Variants in LMCD1 observed in about 807,000 individuals in gnomAD.
LMCD1 encodes LIM and cysteine-rich domains protein 1.
Under a neutral mutation model 42.7 loss-of-function variants are expected in LMCD1, and 32 were observed. That is an observed-to-expected ratio of 0.75 (90% CI 0.57 to 1.01). LMCD1 has a LOEUF of 1.01. LMCD1 is among the 50% of genes least tolerant of loss of function. The pLI, the probability that LMCD1 is intolerant of heterozygous loss-of-function variation, is 0.00. For missense variants in LMCD1, 458 were observed against 483.1 expected (o/e 0.95, Z 0.49); for synonymous variants, 178 against 184.9 (o/e 0.96, Z 0.30).
intron 3 of LMCD1, among the ~76,000 whole-genome samples, chr3:8,547,310 A>G (rs951495740): frequency 6.6e-6 from 1 of 152,214 alleles, no homozygotes; most frequent in Non-Finnish European, 1.5e-5. Context: ...CCAAGGACTC[A>G]TGTTAAATGG....
intron 1 of LMCD1, among the ~76,000 whole-genome samples, chr3:8,524,772 C>A (rs1694269140): frequency 6.6e-6 from 1 of 152,076 alleles, no homozygotes; most frequent in African/African-American, 2.4e-5. Flanking sequence ...ACAACCTCAA[C>A]CTCCTGGGCT....
At chr3:8,502,339 A>ATATAAAATATATATAATATATAT (rs1693759984) in intron 1 of LMCD1, among the ~76,000 whole-genome samples, 2 of 78,826 alleles carry the variant, frequency 2.5e-5, no homozygotes, top group African/African-American at 1.1e-4. Flanking sequence ...AATATATATT[A>ATATAAAATATATATAATATATAT]TATATAAAAT....
In LMCD1 at chr3:8,548,613, A is replaced by G. The variant is rs770629111; in HGVS notation, c.433A>G (p.Thr145Ala). ...ELIPKEKQPVTGTEGAFYRRR... is the reference protein window; with the variant it reads ...ELIPKEKQPVAGTEGAFYRRR... ...CATCCCCAAGGAGAAGCAGCCAGTG[A>G]CAGGCACAGAGGGTGCCTTTTACCG... is the stretch of plus-strand genomic sequence containing the variant. The change falls in exon 4 of 6, where the codon ACA becomes GCA. Residue 145 changes from threonine to alanine, a missense_variant. Physicochemically the swap from Thr to Ala is moderately conservative, Grantham distance 58. Coordinates refer to ENST00000157600, the MANE Select transcript of LMCD1 (RefSeq NM_014583.4). 3.7e-6 allele frequency: 6 copies of G among 1,614,080 alleles called. No individual in the cohort carries two copies. The East Asian group carries it at 1.3e-4, about 36-fold the overall frequency.
At chr3:8,512,317 G>C (rs1391034079) in intron 1 of LMCD1, among the ~76,000 whole-genome samples, 2 of 152,212 alleles carry the variant, frequency 1.3e-5, no homozygotes, top group African/African-American at 4.8e-5. Context: ...GAAAATGTGA[G>C]TTCCTTCTTG....
At chr3:8,546,572 T>C (rs2125030691) in intron 3 of LMCD1, among the ~76,000 whole-genome samples, 1 of 152,340 alleles carries the variant, frequency 6.6e-6, no homozygotes, top group African/African-American at 2.4e-5. Flanking sequence ...TTCCAGAGCC[T>C]TTGCTCTTGC....
chr3:8,533,664 T>A (rs1694456985), intron 2 of LMCD1, among the ~76,000 whole-genome samples: 1 of 152,192 alleles, frequency 6.6e-6, no homozygotes, highest in African/African-American at 2.4e-5. Flanking sequence ...ACGTATGAAC[T>A]GAATGAAATC....
chr3:8,511,807 C>G (rs1039447032), intron 1 of LMCD1, among the ~76,000 whole-genome samples: 1 of 152,150 alleles, frequency 6.6e-6, no homozygotes, highest in African/African-American at 2.4e-5. Flanking sequence ...GCAAAACCCA[C>G]TGGGGTGGCA....
At chr3:8,540,903 T>A (rs544814157) in intron 3 of LMCD1, among the ~76,000 whole-genome samples, 9 of 152,166 alleles carry the variant, frequency 5.9e-5, no homozygotes, top group Admixed American at 1.3e-4. Flanking sequence ...TCCAGACCCA[T>A]GGCAGGCATT....
chr3:8,512,965 T>C (rs151316313), intron 1 of LMCD1, among the ~76,000 whole-genome samples: 82 of 152,288 alleles, frequency 5.4e-4, no homozygotes, highest in Non-Finnish European at 7.6e-4. Context: ...CTGTGTTGTG[T>C]AGAATCACTT....
At chr3:8,550,964 G>C in intron 4 of LMCD1, 1 of 985,416 alleles carries the variant, frequency 1.0e-6, no homozygotes. Context: ...CCGGGTCCTT[G>C]CCTACAGTCA....
At chr3:8,518,920 T>A (rs201952953) in intron 1 of LMCD1, among the ~76,000 whole-genome samples, 2 of 152,116 alleles carry the variant, frequency 1.3e-5, no homozygotes, top group East Asian at 3.9e-4. Flanking sequence ...TTGGGCATCA[T>A]CCTCAGATGC....
chr3:8,567,740 G>C lies in LMCD1; in HGVS notation c.*142G>C. On this transcript the variant is annotated 3_prime_UTR_variant, in exon 6 of 6. Coordinates refer to ENST00000157600, the MANE Select transcript of LMCD1 (RefSeq NM_014583.4). ...TGCTTTTCAGTGAGAATATATATAT[G>C]AGATATATATAGATATATATTCTAG... 5.2e-6 allele frequency: 4 copies of C among 771,512 alleles called. No homozygotes were observed. The highest frequency in any genetic ancestry group is 6.1e-6 in the Non-Finnish European group (3 of 490,172). 47.8% of individuals were successfully genotyped at this position (771,512 alleles called of 1,614,324 possible).
chr3:8,573,894 G>T lies in LMCD1; in HGVS notation c.*6296G>T, dbSNP rs1342082463. 3 of 150,482 alleles carry T rather than the reference G, an allele frequency of 2.0e-5. No individual in the cohort carries two copies. Among genetic ancestry groups the T allele is most frequent in the Non-Finnish European group, 4.4e-5 (3 of 67,590 alleles). The allele number at this position is 150,482 out of a possible 1,614,324, so 9.3% of individuals were successfully genotyped here. A position where few individuals can be genotyped will look rare whatever the true frequency, so the allele number is the denominator to read the frequency against. The stretch of plus-strand genomic sequence containing the variant: ...TTAAACCTAAAAAAAAAAAAAAGAA[G>T]AAAAGAAAAGAAAAAATATGAGAGG... On this transcript the variant is annotated 3_prime_UTR_variant, in exon 6 of 6. Coordinates refer to ENST00000157600, the MANE Select transcript of LMCD1 (RefSeq NM_014583.4).
In LMCD1 at chr3:8,538,751, G is replaced by C. The variant is rs535054872; in HGVS notation, c.387+1311G>C. Among the ~76,000 whole-genome samples the C allele has an allele frequency of 3.3e-5, 5 of 152,150 alleles. No individual in the cohort carries two copies. The South Asian group carries it at 1.0e-3, about 32-fold the overall frequency. The stretch of plus-strand genomic sequence containing the variant: ...TTTCGTTTCTTTAACAACTTTTATT[G>C]CAAACAGATTATCTTTTTTCTGTGC... On this transcript the variant is annotated intron_variant, in intron 3 of 5. Transcript: ENST00000157600.
At chr3:8,502,005 A>G (rs1260297873) in intron 1 of LMCD1, 25 bp downstream of exon 1, 3 of 1,545,014 alleles carry the variant, frequency 1.9e-6, no homozygotes, top group Middle Eastern at 1.7e-4. Flanking sequence ...GTTTGTATTT[A>G]CCCAGATTCT....
chr3:8,548,785 C>T lies in LMCD1; in HGVS notation c.605C>T (p.Pro202Leu), dbSNP rs143760169. The part of the protein sequence containing the change: ...EALGVGEVAL[P>L]GQGGLPKEEG... ...CTCGGCGTGGGAGAAGTGGCCCTCC[C>T]GGGGCAGGGTGGCTTGCCCAAGGAG... Residue 202 changes from proline to leucine, a missense_variant, in exon 4 of 6, where the codon CCG becomes CTG. Physicochemically the swap from Pro to Leu is moderately conservative, Grantham distance 98. Coordinates refer to ENST00000157600, the MANE Select transcript of LMCD1 (RefSeq NM_014583.4). The T allele has an allele frequency of 2.1e-5, 34 of 1,611,196 alleles. No homozygotes were observed. The highest frequency in any genetic ancestry group is 1.2e-4 in the African/African-American group (9 of 74,898).
chr3:8,559,978 A>G (rs1032199972), intron 4 of LMCD1, among the ~76,000 whole-genome samples: 2 of 152,212 alleles, frequency 1.3e-5, no homozygotes, highest in African/African-American at 2.4e-5. Context: ...GGGCTTCACA[A>G]AGTGCTTTCC....
At chr3:8,552,562 C>T (rs1324487270) in intron 4 of LMCD1, among the ~76,000 whole-genome samples, 3 of 152,136 alleles carry the variant, frequency 2.0e-5, no homozygotes, top group Non-Finnish European at 4.4e-5. Context: ...AACAAGTCCT[C>T]GGGTGATGCT....
At chr3:8,542,504 C>A (rs1409997938) in intron 3 of LMCD1, among the ~76,000 whole-genome samples, 1 of 152,126 alleles carries the variant, frequency 6.6e-6, no homozygotes, top group African/African-American at 2.4e-5. Context: ...CCCTAGCACA[C>A]CATTTATTGT....
Sources: gnomAD v4.1 joint callset for allele counts (sites outside exome capture counted in the v4.1 genomes callset) on GRCh38, gnomAD v4.1.1 for gene constraint, MANE v1.5 for transcripts, NCBI Gene and HGNC (gene_info 2026-07-23, HGNC 2026-07-21) for gene names.